Variants in HSD17B12 observed in about 807,000 individuals in gnomAD.
HSD17B12 encodes the protein hydroxysteroid 17-beta dehydrogenase 12.
In HSD17B12, 32 loss-of-function variants were observed where a neutral mutation model predicts 39.3. The ratio of observed to expected loss-of-function variants is 0.81; its 90% CI spans 0.61 to 1.09. The LOEUF is 1.09. Ranked by LOEUF, HSD17B12 falls within the 50% of genes least tolerant of loss-of-function variation. The probability of loss-of-function intolerance (pLI) is 0.00; values close to 1 mark genes in which losing one functional copy is unlikely to be tolerated. For missense variants in HSD17B12, 342 were observed against 382.9 expected (o/e 0.89, Z 0.89); for synonymous variants, 150 against 146.7 (o/e 1.02, Z -0.16).
chr11:43,712,353 G>A (rs1207188291), intron 1 of HSD17B12, among the ~76,000 whole-genome samples: 1 of 152,124 alleles, frequency 6.6e-6, no homozygotes, highest in East Asian at 1.9e-4. Context: ...CTTGAACCAG[G>A]GAGGCGGAGG....
At chr11:43,647,076 T>C in the HSD17B12 span, among the ~76,000 whole-genome samples, 110 of 152,326 alleles carry the variant, frequency 7.2e-4, no homozygotes, top group African/African-American at 2.4e-3. Flanking sequence ...TTAATTCTTG[T>C]GTTCATTCAA....
intron 6 of HSD17B12, among the ~76,000 whole-genome samples, chr11:43,827,022 G>A (rs1023604640): frequency 1.3e-5 from 2 of 152,202 alleles, no homozygotes; most frequent in Non-Finnish European, 2.9e-5. Context: ...TCCAAATTGT[G>A]TGGGTACGTT....
chr11:43,840,831 G>A (rs1274728289), intron 9 of HSD17B12, among the ~76,000 whole-genome samples: 2 of 152,262 alleles, frequency 1.3e-5, no homozygotes, highest in Non-Finnish European at 2.9e-5. Context: ...GCTAATATGA[G>A]CATGAGTGTA....
At chr11:43,793,471 G>A (rs1950887953) in intron 3 of HSD17B12, among the ~76,000 whole-genome samples, 1 of 152,084 alleles carries the variant, frequency 6.6e-6, no homozygotes, top group African/African-American at 2.4e-5. Context: ...CAGCCACCTA[G>A]GGGAAAAACT....
the HSD17B12 span, among the ~76,000 whole-genome samples, chr11:43,598,470 G>C: frequency 6.6e-6 from 1 of 151,606 alleles, no homozygotes; most frequent in South Asian, 2.1e-4. Flanking sequence ...CCCCATTTCT[G>C]TCCACGCGAG....
At chr11:43,763,586 T>TTG (rs1554965729) in intron 3 of HSD17B12, among the ~76,000 whole-genome samples, 4 of 145,872 alleles carry the variant, frequency 2.7e-5, no homozygotes, top group African/African-American at 7.5e-5. Context: ...TTTTATACCC[T>TTG]TATATATATA....
Position 43,752,614 on chromosome 11 carries a change from T to C in HSD17B12, c.208-1432T>C, listed in dbSNP as rs1421359610. Among the ~76,000 whole-genome samples, 3 of 151,904 alleles carry C rather than the reference T, an allele frequency of 2.0e-5. No homozygotes were observed. The East Asian group carries it at 5.8e-4, about 29-fold the overall frequency. On this transcript the variant is annotated intron_variant, in intron 2 of 10. Transcript: ENST00000278353. Reference sequence around the variant, plus strand: ...TTGTAATCCCAGCTACTCAGGAGGCTGAGGCAGGAGAATCGCTTGAACCCA... The same window carrying C: ...TTGTAATCCCAGCTACTCAGGAGGCCGAGGCAGGAGAATCGCTTGAACCCA...
chr11:43,815,804 A>G lies in HSD17B12; in HGVS notation c.456+303A>G, dbSNP rs115022920. 7.5e-3 allele frequency among the ~76,000 whole-genome samples: 1,143 copies of G among 152,298 alleles called. 18 individuals are homozygous for G. Among genetic ancestry groups the G allele is most frequent in the African/African-American group, 0.026 (1,085 of 41,566 alleles). The stretch of plus-strand genomic sequence containing the variant: ...TATTACTCTTATTTTTGTTTGTGTT[A>G]TATCAAAATAGCTCTGTTGTAAGTT... On this transcript the variant is annotated intron_variant, in intron 5 of 10. Coordinates refer to ENST00000278353, the MANE Select transcript of HSD17B12 (RefSeq NM_016142.3).
At chr11:43,807,574 A>G (rs1951031500) in intron 4 of HSD17B12, among the ~76,000 whole-genome samples, 1 of 152,200 alleles carries the variant, frequency 6.6e-6, no homozygotes, top group Non-Finnish European at 1.5e-5. Flanking sequence ...ACAATGGGAA[A>G]CCATTTTAGA....
chr11:43,684,635 C>T (rs1231352462), intron 1 of HSD17B12, among the ~76,000 whole-genome samples: 4 of 152,160 alleles, frequency 2.6e-5, no homozygotes, highest in Non-Finnish European at 2.9e-5. Context: ...TATTGTTACA[C>T]GCAGTGAAGA....
intron 4 of HSD17B12, among the ~76,000 whole-genome samples, chr11:43,807,983 A>G (rs1951034841): frequency 6.6e-6 from 1 of 152,210 alleles, no homozygotes; most frequent in African/African-American, 2.4e-5. Flanking sequence ...AGAAACAGTT[A>G]CAGAGTTAGA....
At chr11:43,823,729 AAAT>A (rs1265326750) in intron 6 of HSD17B12, among the ~76,000 whole-genome samples, 1 of 152,146 alleles carries the variant, frequency 6.6e-6, no homozygotes, top group Admixed American at 6.5e-5. Context: ...TTATTCTAAG[AAAT>A]AATAATAAAT....
intron 3 of HSD17B12, among the ~76,000 whole-genome samples, chr11:43,774,465 G>A (rs114316009): frequency 0.027 from 4,157 of 152,034 alleles, 194 homozygotes; most frequent in African/African-American, 0.094. Context: ...TGCCCCCCAC[G>A]GCCTTCCAAA....
chr11:43,803,539 A>G (rs976285171), intron 4 of HSD17B12, among the ~76,000 whole-genome samples: 1 of 152,226 alleles, frequency 6.6e-6, no homozygotes, highest in African/African-American at 2.4e-5. Flanking sequence ...TCACCAGGGT[A>G]CACCCCATTT....
chr11:43,815,545 C>A, intron 5 of HSD17B12, 44 bp downstream of exon 5: 1 of 1,174,428 alleles, frequency 8.5e-7, no homozygotes, highest in Non-Finnish European at 1.3e-6. Flanking sequence ...ATAATGCATG[C>A]AGGTATTGGT....
At chr11:43,678,047 C>T (rs1056297333), upstream of HSD17B12, among the ~76,000 whole-genome samples, 8 of 152,188 alleles carry the variant, frequency 5.3e-5, no homozygotes, top group Non-Finnish European at 1.2e-4. Flanking sequence ...ACAGTCCCAC[C>T]AACAGTGTAA....
chr11:43,628,770 A>T, the HSD17B12 span, among the ~76,000 whole-genome samples: 3 of 151,818 alleles, frequency 2.0e-5, no homozygotes, highest in Non-Finnish European at 4.4e-5. Flanking sequence ...CAACTATACA[A>T]TTTTTATTAA....
At chr11:43,593,906 T>C in the HSD17B12 span, among the ~76,000 whole-genome samples, 1 of 152,174 alleles carries the variant, frequency 6.6e-6, no homozygotes, top group South Asian at 2.1e-4. Flanking sequence ...TGCCACTCTC[T>C]TCTTGCAGAA....
At chr11:43,625,604 TA>T in the HSD17B12 span, among the ~76,000 whole-genome samples, 2 of 151,466 alleles carry the variant, frequency 1.3e-5, no homozygotes, top group Admixed American at 1.3e-4. Context: ...AACCTTATTT[TA>T]AAAGAAACAA....
Sources: allele counts gnomAD v4.1 joint callset (sites outside exome capture counted in the v4.1 genomes callset), GRCh38; gene constraint gnomAD v4.1.1; transcripts MANE v1.5; gene names NCBI Gene and HGNC (gene_info 2026-07-23, HGNC 2026-07-21).